MCC: variants seen among roughly 807,000 people sequenced by gnomAD.
The protein encoded by MCC is MCC regulator of Wnt signaling pathway.
Under a neutral mutation model 116.2 loss-of-function variants are expected in MCC, and 90 were observed. The observed-to-expected ratio is 0.77, with a 90% CI of 0.65 to 0.92. The LOEUF (loss-of-function observed/expected upper bound fraction) is 0.92. Ranked by LOEUF, MCC falls within the 40% of genes least tolerant of loss-of-function variation. MCC has a pLI of 0.00. For synonymous variants in MCC, 578 were observed against 510.5 expected (o/e 1.13, Z -1.78); for missense variants, 1,516 against 1,312.2 (o/e 1.16, Z -2.40).
rs548943842 is a variant in MCC, at chr5:113,333,292, C to T, written c.627+7227G>A. 3.0e-4 allele frequency among the ~76,000 whole-genome samples: 45 copies of T among 151,674 alleles called. 1 individual carries two copies. Among genetic ancestry groups the T allele is most frequent in the African/African-American group, 9.3e-4 (38 of 41,040 alleles). On this transcript the variant is annotated intron_variant, in intron 3 of 18. Transcript: ENST00000408903. ...TGTTGTATCAAGTTTCAGTTAATAA[C>T]GACTATATTAATAATTTTGATCATA...
Position 113,027,382 on chromosome 5 carries a change from G to A in MCC, c.2980C>T (p.Gln994Ter), listed in dbSNP as rs780301579. 6.2e-7 allele frequency: 1 copy of A among 1,614,132 alleles called. No individual in the cohort carries two copies. Among genetic ancestry groups the A allele is most frequent in the South Asian group, 1.1e-5 (1 of 91,074 alleles). ...MMAMVERHETQVRMLKQRIAL... is the reference protein window; with the variant it reads ...MMAMVERHET The stretch of plus-strand genomic sequence containing the variant: ...ATTCTTTGCTTGAGCATCCTCACTT[G>A]GGTCTCATGTCTCTCCACCATGGCC... The change falls in exon 19 of 19, where the codon CAA (glutamine) becomes TAA (stop). Residue 994 changes from glutamine (Q) to a stop codon, truncating the protein, a stop_gained. Transcript: ENST00000408903. LOFTEE classifies it high-confidence loss of function.
chr5:113,458,010 T>C (rs1457339860), intron 1 of MCC, among the ~76,000 whole-genome samples: 2 of 152,124 alleles, frequency 1.3e-5, no homozygotes, highest in Non-Finnish European at 2.9e-5. Flanking sequence ...CCTTTGTGTC[T>C]AGCTCAGGGA....
At chr5:113,192,695 A>G (rs115554480) in intron 3 of MCC, among the ~76,000 whole-genome samples, 6,163 of 152,294 alleles carry the variant, frequency 0.04, 171 homozygotes, top group African/African-American at 0.075. Flanking sequence ...TGATACATGC[A>G]AAGCACACAA....
intron 1 of MCC, among the ~76,000 whole-genome samples, chr5:113,432,094 C>A (rs1416080054): frequency 6.6e-6 from 1 of 152,010 alleles, no homozygotes; most frequent in Non-Finnish European, 1.5e-5. Flanking sequence ...CAAGATCGTG[C>A]CACTGCACTC....
At chr5:113,429,294 A>C (rs1346816019) in intron 1 of MCC, among the ~76,000 whole-genome samples, 1 of 151,974 alleles carries the variant, frequency 6.6e-6, no homozygotes, top group Non-Finnish European at 1.5e-5. Context: ...AGAGAGAGAG[A>C]TCTTTCTCTC....
At chr5:113,230,989 G>A (rs1023916081) in intron 3 of MCC, among the ~76,000 whole-genome samples, 1 of 152,012 alleles carries the variant, frequency 6.6e-6, no homozygotes, top group African/African-American at 2.4e-5. Context: ...CCCAGCTACA[G>A]GAATTTCTTG....
At chr5:113,264,678 TA>T (rs548747922) in intron 3 of MCC, among the ~76,000 whole-genome samples, 1 of 152,082 alleles carries the variant, frequency 6.6e-6, no homozygotes, top group South Asian at 2.1e-4. Context: ...TTTAAATGGT[TA>T]AAAAAATCAA....
At position 113,483,570 on chromosome 5, in the gene MCC, G is replaced by T. The variant is rs79046802; in HGVS notation, c.170+4675C>A. On this transcript the variant is annotated intron_variant, in intron 1 of 18. Transcript: ENST00000408903. Reference sequence around the variant, plus strand: ...TGTTTCCAAATTTTCAACAACAAGAGTATCTTTTATATAACCCAAAAGAAG... The same window carrying T: ...TGTTTCCAAATTTTCAACAACAAGATTATCTTTTATATAACCCAAAAGAAG... 6.2e-3 allele frequency among the ~76,000 whole-genome samples: 944 copies of T among 151,964 alleles called. 11 individuals are homozygous for T. The highest frequency in any genetic ancestry group is 0.022 in the African/African-American group (911 of 41,444).
rs1321707524 is a variant in MCC at position 113,447,813 on chromosome 5, AG to A, written c.170+40431del. On this transcript the variant is annotated intron_variant, in intron 1 of 18. Transcript: ENST00000408903. ...ATGGGGCCTCTGCATTGATGCCAAA[AG>A]TCCAGCAGTGTCTGGAACTGCCACA... Among the ~76,000 whole-genome samples, 5 of 152,180 alleles carry A rather than the reference AG, an allele frequency of 3.3e-5. No individual in the cohort carries two copies. In the East Asian group the frequency reaches 9.7e-4, roughly 29 times the overall value.
chr5:113,073,504 A>C (rs1000041399), intron 11 of MCC, among the ~76,000 whole-genome samples: 1 of 152,188 alleles, frequency 6.6e-6, no homozygotes, highest in East Asian at 1.9e-4. Flanking sequence ...TGGCATCAAA[A>C]TCCACAGCTG....
At chr5:113,474,174 G>A (rs1479855622) in intron 1 of MCC, among the ~76,000 whole-genome samples, 4 of 152,192 alleles carry the variant, frequency 2.6e-5, no homozygotes, top group African/African-American at 9.7e-5. Context: ...TGGGCACTGA[G>A]GTTACAAAGG....
chr5:113,402,379 G>T (rs1769718295), intron 1 of MCC, among the ~76,000 whole-genome samples: 1 of 150,068 alleles, frequency 6.7e-6, no homozygotes, highest in Non-Finnish European at 1.5e-5. Flanking sequence ...GGCTGGTCTT[G>T]AACTCCTGGC....
intron 1 of MCC, among the ~76,000 whole-genome samples, chr5:113,401,761 T>A (rs1769692930): frequency 7.7e-6 from 1 of 129,550 alleles, no homozygotes; most frequent in African/African-American, 3.2e-5. Flanking sequence ...TTCCCCAGGT[T>A]TTCTTATTTA....
chr5:113,435,747 G>A (rs559226446), intron 1 of MCC: 1 of 152,396 alleles, frequency 6.6e-6, no homozygotes, highest in African/African-American at 2.4e-5. Flanking sequence ...ACAGCTGGCA[G>A]GAGTTCTGCT....
intron 3 of MCC, among the ~76,000 whole-genome samples, chr5:113,277,061 G>A (rs931639770): frequency 6.6e-6 from 1 of 151,780 alleles, no homozygotes; most frequent in East Asian, 1.9e-4. Context: ...AAGACATACC[G>A]GCCAGGCATG....
chr5:113,465,965 C>T (rs555398237), intron 1 of MCC, among the ~76,000 whole-genome samples: 1 of 150,644 alleles, frequency 6.6e-6, no homozygotes, highest in Non-Finnish European at 1.5e-5. Context: ...TAGATGGAGT[C>T]TCGTTCCATC....
At chr5:113,306,643 C>T (rs542822962) in intron 3 of MCC, among the ~76,000 whole-genome samples, 2 of 152,178 alleles carry the variant, frequency 1.3e-5, no homozygotes, top group South Asian at 2.1e-4. Context: ...TATAAATTTG[C>T]AAATATTCTC....
intron 3 of MCC, among the ~76,000 whole-genome samples, chr5:113,248,330 G>T (rs954868095): frequency 4.6e-5 from 7 of 151,672 alleles, no homozygotes; most frequent in South Asian, 2.1e-4. Flanking sequence ...AGGAATCAAA[G>T]TAACAGAACA....
At chr5:113,406,596 G>C (rs1769840916) in intron 1 of MCC, among the ~76,000 whole-genome samples, 1 of 152,166 alleles carries the variant, frequency 6.6e-6, no homozygotes, top group South Asian at 2.1e-4. Context: ...ACTAGTGAAA[G>C]TATAATTAAA....
Sources: gnomAD v4.1 joint callset for allele counts (sites outside exome capture counted in the v4.1 genomes callset) on GRCh38, gnomAD v4.1.1 for gene constraint, MANE v1.5 for transcripts, NCBI Gene and HGNC (gene_info 2026-07-23, HGNC 2026-07-21) for gene names.